The following HS6ST3 variants were observed in gnomAD, a reference collection of about 807,000 sequenced individuals.
HS6ST3 encodes the protein heparan sulfate 6-O-sulfotransferase 3.
HS6ST3 carries 12 observed loss-of-function variants against 36.7 expected under a neutral mutation model. The ratio of observed to expected loss-of-function variants is 0.33; its 90% CI spans 0.21 to 0.53. The LOEUF (loss-of-function observed/expected upper bound fraction) is 0.53. Among genes scored for constraint, HS6ST3 ranks in the 20% least tolerant of loss-of-function variants. The pLI is 0.95. For missense variants in HS6ST3, 584 were observed against 640.9 expected (o/e 0.91, Z 0.96); for synonymous variants, 240 against 257.5 (o/e 0.93, Z 0.65).
chr13:96,176,774 A>T (rs891165027), intron 1 of HS6ST3, among the ~76,000 whole-genome samples: 2 of 152,246 alleles, frequency 1.3e-5, no homozygotes, highest in African/African-American at 4.8e-5. Context: ...GACAAGTGGG[A>T]TCTAATTACA....
At position 96,372,049 on chromosome 13, in the gene HS6ST3, A is replaced by G. The variant is rs2055292665; in HGVS notation, c.707+280480A>G. On this transcript the variant is annotated intron_variant, in intron 1 of 1. Transcript: ENST00000376705. ...GATATTTCTATTTTTAATTTCTTGA[A>G]GAACCTCCAAATTGTTTTACATAAT... Among the ~76,000 whole-genome samples the G allele has an allele frequency of 2.0e-5, 3 of 152,164 alleles. No homozygotes were observed. The South Asian group carries it at 6.2e-4, about 31-fold the overall frequency.
intron 1 of HS6ST3, among the ~76,000 whole-genome samples, chr13:96,148,719 T>A (rs1355417455): frequency 1.3e-5 from 2 of 152,144 alleles, no homozygotes; most frequent in Non-Finnish European, 2.9e-5. Context: ...ACAATAGTTA[T>A]AAGGATGGCA....
intron 1 of HS6ST3, among the ~76,000 whole-genome samples, chr13:96,364,251 A>T (rs1303559728): frequency 2.6e-5 from 4 of 152,306 alleles, no homozygotes. Context: ...ACATAGAACT[A>T]GCATGTGATC....
intron 1 of HS6ST3, among the ~76,000 whole-genome samples, chr13:96,770,637 G>A (rs184529290): frequency 5.3e-5 from 8 of 152,246 alleles, no homozygotes; most frequent in African/African-American, 1.7e-4. Context: ...ATGGCACAGT[G>A]GGCATTCAAT....
At chr13:96,124,979 A>T (rs920503740) in intron 1 of HS6ST3, among the ~76,000 whole-genome samples, 5 of 152,290 alleles carry the variant, frequency 3.3e-5, no homozygotes, top group Non-Finnish European at 2.9e-5. Flanking sequence ...AGTAAGAAAA[A>T]AGATATTAGA....
intron 1 of HS6ST3, among the ~76,000 whole-genome samples, chr13:96,370,654 G>A (rs557859557): frequency 8.7e-4 from 132 of 152,320 alleles, no homozygotes; most frequent in Non-Finnish European, 1.6e-3. Flanking sequence ...GCTCATGCCT[G>A]TAATCCCAGC....
At chr13:96,647,809 TAAG>T (rs1259304288) in intron 1 of HS6ST3, among the ~76,000 whole-genome samples, 1 of 151,916 alleles carries the variant, frequency 6.6e-6, no homozygotes, top group Non-Finnish European at 1.5e-5. Flanking sequence ...AAAAAGGAAA[TAAG>T]AGATACTTTG....
intron 1 of HS6ST3, among the ~76,000 whole-genome samples, chr13:96,097,422 A>T (rs1255673495): frequency 6.6e-6 from 1 of 152,182 alleles, no homozygotes; most frequent in Non-Finnish European, 1.5e-5. Context: ...TCCTAATGTG[A>T]TTTTAAGAGT....
At chr13:96,644,969 T>A (rs914042306) in intron 1 of HS6ST3, among the ~76,000 whole-genome samples, 1 of 151,986 alleles carries the variant, frequency 6.6e-6, no homozygotes, top group Admixed American at 6.6e-5. Context: ...ATAAAGTAGA[T>A]CAGTCTTTTA....
rs117536249 is a variant in HS6ST3, at chr13:96,711,700, G to A, written c.708-120790G>A. 3.2e-3 allele frequency among the ~76,000 whole-genome samples: 493 copies of A among 152,196 alleles called. 2 individuals are homozygous for A. The highest frequency in any genetic ancestry group is 5.5e-3 in the Non-Finnish European group (376 of 68,004). ...TCAATTAAGCATCTGCATATCCATA[G>A]GACTTTTTCAGGGGCTGCCTTCCCA... is the stretch of plus-strand genomic sequence containing the variant. On this transcript the variant is annotated intron_variant, in intron 1 of 1. Transcript: ENST00000376705.
At chr13:96,286,420 G>A (rs912947733) in intron 1 of HS6ST3, among the ~76,000 whole-genome samples, 1 of 152,042 alleles carries the variant, frequency 6.6e-6, no homozygotes, top group African/African-American at 2.4e-5. Context: ...ATTTTATCGT[G>A]TAATGTTTAA....
intron 1 of HS6ST3, among the ~76,000 whole-genome samples, chr13:96,318,535 A>AAAAAC (rs3084992): frequency 0.38 from 56,480 of 150,330 alleles, 10,992 homozygotes; most frequent in Admixed American, 0.44. Flanking sequence ...TCCTTCTCAA[A>AAAAAC]AAAACAAAAC....
chr13:96,257,761 A>G (rs1417831387), intron 1 of HS6ST3, among the ~76,000 whole-genome samples: 1 of 152,222 alleles, frequency 6.6e-6, no homozygotes, highest in Non-Finnish European at 1.5e-5. Flanking sequence ...AAACATGGGA[A>G]TAAAGGAAAG....
At chr13:96,550,778 G>GA (rs11412704) in intron 1 of HS6ST3, among the ~76,000 whole-genome samples, 12,830 of 151,862 alleles carry the variant, frequency 0.084, 992 homozygotes, top group African/African-American at 0.21. Context: ...TAACTTTTCA[G>GA]AAAAAACTCA....
chr13:96,771,069 C>T (rs1483514126), intron 1 of HS6ST3, among the ~76,000 whole-genome samples: 1 of 152,126 alleles, frequency 6.6e-6, no homozygotes, highest in African/African-American at 2.4e-5. Context: ...CATATGTGTG[C>T]ATGTGTCTTT....
intron 1 of HS6ST3, among the ~76,000 whole-genome samples, chr13:96,762,914 T>A (rs887328167): frequency 6.6e-6 from 1 of 152,216 alleles, no homozygotes; most frequent in African/African-American, 2.4e-5. Flanking sequence ...GTTCTTTTAG[T>A]CTGTCTTCTC....
At chr13:96,470,001 C>A (rs1004125050) in intron 1 of HS6ST3, among the ~76,000 whole-genome samples, 2 of 152,058 alleles carry the variant, frequency 1.3e-5, no homozygotes, top group African/African-American at 4.8e-5. Context: ...ATAGAAAATT[C>A]TTCAAAACCA....
chr13:96,638,635 C>T (rs2056558083), intron 1 of HS6ST3, among the ~76,000 whole-genome samples: 1 of 151,934 alleles, frequency 6.6e-6, no homozygotes, highest in African/African-American at 2.4e-5. Flanking sequence ...TTGCTTGGCA[C>T]TTCTCCTTCC....
At chr13:96,161,567 T>C (rs1221537123) in intron 1 of HS6ST3, among the ~76,000 whole-genome samples, 3 of 152,186 alleles carry the variant, frequency 2.0e-5, no homozygotes, top group Non-Finnish European at 4.4e-5. Context: ...TACTACTCTT[T>C]AGGTAAAAGA....
Sources: gnomAD v4.1 joint callset for allele counts (sites outside exome capture counted in the v4.1 genomes callset) on GRCh38, gnomAD v4.1.1 for gene constraint, MANE v1.5 for transcripts, NCBI Gene and HGNC (gene_info 2026-07-23, HGNC 2026-07-21) for gene names.